The following ESRRG variants were observed in gnomAD, a reference collection of about 807,000 sequenced individuals.
ESRRG encodes estrogen related receptor gamma.
In ESRRG, 13 loss-of-function variants were observed where a neutral mutation model predicts 44.0. The ratio of observed to expected loss-of-function variants is 0.30; its 90% CI spans 0.19 to 0.47. The LOEUF is 0.47. Ranked by LOEUF, ESRRG falls within the 20% of genes least tolerant of loss-of-function variation. The pLI, the probability that ESRRG is intolerant of heterozygous loss-of-function variation, is 1.00. For synonymous variants in ESRRG, 215 were observed against 214.6 expected, an observed-to-expected ratio of 1.00 and a Z score of -0.02; for missense variants, 395 against 580.6, an observed-to-expected ratio of 0.68 and a Z score of 3.29.
chr1:217,012,426 T>C (rs1159364897), intron 1 of ESRRG, among the ~76,000 whole-genome samples: 1 of 152,234 alleles, frequency 6.6e-6, no homozygotes, highest in Non-Finnish European at 1.5e-5. Flanking sequence ...GAATCCCACC[T>C]GTTATCTTGG....
At chr1:217,051,562 G>C (rs933330781) in intron 1 of ESRRG, among the ~76,000 whole-genome samples, 1 of 152,100 alleles carries the variant, frequency 6.6e-6, no homozygotes, top group Non-Finnish European at 1.5e-5. Flanking sequence ...CACTGGCATG[G>C]GCCATCCTTT....
intron 1 of ESRRG, among the ~76,000 whole-genome samples, chr1:216,960,487 T>G (rs2068816204): frequency 6.6e-6 from 1 of 152,192 alleles, no homozygotes; most frequent in Non-Finnish European, 1.5e-5. Context: ...ATTATTTCTA[T>G]GGGATTTTTC....
intron 2 of ESRRG, among the ~76,000 whole-genome samples, chr1:216,752,211 T>G (rs1030243977): frequency 6.6e-6 from 1 of 152,076 alleles, no homozygotes; most frequent in Non-Finnish European, 1.5e-5. Context: ...GTAAAAAAAA[T>G]GTACAATTTT....
At chr1:217,099,055 C>T (rs1007910382) in intron 1 of ESRRG, among the ~76,000 whole-genome samples, 1 of 152,158 alleles carries the variant, frequency 6.6e-6, no homozygotes, top group East Asian at 1.9e-4. Context: ...TTTACTGTCT[C>T]GTCTTCTATG....
chr1:216,725,727 T>C (rs1175402081), upstream of ESRRG, among the ~76,000 whole-genome samples: 1 of 152,106 alleles, frequency 6.6e-6, no homozygotes, highest in African/African-American at 2.4e-5. Context: ...ACTTTCCTTC[T>C]TGGTTTGGCT....
chr1:217,041,162 A>C (rs1311290911), intron 1 of ESRRG, among the ~76,000 whole-genome samples: 1 of 152,156 alleles, frequency 6.6e-6, no homozygotes, highest in Non-Finnish European at 1.5e-5. Flanking sequence ...TTTTCATAAA[A>C]AAACACGAAA....
chr1:216,657,384 C>CT, intron 2 of ESRRG, among the ~76,000 whole-genome samples: 1 of 152,152 alleles, frequency 6.6e-6, no homozygotes, highest in Non-Finnish European at 1.5e-5. Flanking sequence ...CCACCAAATA[C>CT]TTTTTGGTGC....
intron 2 of ESRRG, among the ~76,000 whole-genome samples, chr1:216,779,251 TTATAAA>T (rs2093761714): frequency 2.7e-4 from 8 of 29,102 alleles, no homozygotes; most frequent in East Asian, 1.5e-3. Context: ...ATATTTATAT[TTATAAA>T]TATAAATATA....
chr1:216,932,041 T>C (rs979706601), intron 2 of ESRRG, among the ~76,000 whole-genome samples: 5 of 152,068 alleles, frequency 3.3e-5, no homozygotes, highest in African/African-American at 1.2e-4. Context: ...TGGTCTCTAC[T>C]AAAAATATAA....
chr1:216,612,403 G>A (rs2060799146), intron 3 of ESRRG, among the ~76,000 whole-genome samples: 2 of 152,156 alleles, frequency 1.3e-5, no homozygotes, highest in South Asian at 2.1e-4. Flanking sequence ...CAATCCTCAG[G>A]TGTCATGAAA....
intron 3 of ESRRG, among the ~76,000 whole-genome samples, chr1:216,640,880 A>G (rs2066275235): frequency 1.3e-5 from 2 of 152,308 alleles, no homozygotes; most frequent in South Asian, 4.1e-4. Flanking sequence ...CACATTAAAC[A>G]GAGTCCTATA....
intron 2 of ESRRG, among the ~76,000 whole-genome samples, chr1:216,830,060 T>C (rs1312243917): frequency 6.6e-6 from 1 of 152,120 alleles, no homozygotes; most frequent in African/African-American, 2.4e-5. Context: ...CACAGGAATT[T>C]TATTAACATC....
chr1:216,877,988 T>C (rs2096384101), intron 2 of ESRRG, among the ~76,000 whole-genome samples: 1 of 152,226 alleles, frequency 6.6e-6, no homozygotes, highest in Non-Finnish European at 1.5e-5. Context: ...TGAGAAGTTC[T>C]TTGGGAGGCA....
intron 2 of ESRRG, among the ~76,000 whole-genome samples, chr1:216,804,683 T>C (rs558678781): frequency 1.1e-4 from 16 of 152,150 alleles, no homozygotes; most frequent in Middle Eastern, 3.4e-3. Context: ...GCTGCACAAA[T>C]TTGTGCTTTG....
At chr1:216,854,415 T>C (rs1049594796) in intron 2 of ESRRG, among the ~76,000 whole-genome samples, 2 of 150,838 alleles carry the variant, frequency 1.3e-5, no homozygotes, top group Non-Finnish European at 3.0e-5. Flanking sequence ...TAGATGTATT[T>C]CTAACTAGAC....
intron 1 of ESRRG, among the ~76,000 whole-genome samples, chr1:216,713,400 G>T (rs80290730): frequency 0.014 from 2,065 of 147,650 alleles, 46 homozygotes; most frequent in African/African-American, 0.049. Flanking sequence ...GTAGGAGTTT[G>T]CTCGTTCAGC....
intron 1 of ESRRG, among the ~76,000 whole-genome samples, chr1:216,685,878 C>G (rs368961809): frequency 1.3e-5 from 2 of 152,178 alleles, no homozygotes; most frequent in South Asian, 2.1e-4. Context: ...TAGATCAGTT[C>G]ACCAGGAGTG....
intron 2 of ESRRG, among the ~76,000 whole-genome samples, chr1:216,767,683 A>C (rs2093152042): frequency 6.6e-6 from 1 of 152,184 alleles, no homozygotes; most frequent in Non-Finnish European, 1.5e-5. Flanking sequence ...TACAAATGGC[A>C]CAAGAGAATC....
At chr1:216,722,908 G>A (rs1282158847) in intron 1 of ESRRG, among the ~76,000 whole-genome samples, 1 of 152,152 alleles carries the variant, frequency 6.6e-6, no homozygotes, top group Non-Finnish European at 1.5e-5. Context: ...TTGGGAAAAT[G>A]GGTCCTAGTA....
Sources: gnomAD v4.1 joint callset for allele counts (sites outside exome capture counted in the v4.1 genomes callset) on GRCh38, gnomAD v4.1.1 for gene constraint, MANE v1.5 for transcripts, NCBI Gene and HGNC (gene_info 2026-07-23, HGNC 2026-07-21) for gene names.